DPY19L3: variants seen among roughly 807,000 people sequenced by gnomAD.
DPY19L3 encodes dpy-19 like C-mannosyltransferase 3, also known as protein C-mannosyl-transferase DPY19L3.
Under a neutral mutation model 92.3 loss-of-function variants are expected in DPY19L3, and 51 were observed. The observed-to-expected ratio is 0.55, with a 90% confidence interval of 0.44 to 0.70. DPY19L3 has a LOEUF of 0.70. Ranked by LOEUF, DPY19L3 falls within the 30% of genes least tolerant of loss-of-function variation. The probability of loss-of-function intolerance (pLI) is 0.00; values close to 1 mark genes in which losing one functional copy is unlikely to be tolerated. For synonymous variants in DPY19L3, 309 were observed against 315.2 expected, an observed-to-expected ratio of 0.98 and a Z score of 0.21; for missense variants, 706 against 855.9, an observed-to-expected ratio of 0.82 and a Z score of 2.18.
At chr19:32,442,636 G>T (rs962676731) in intron 8 of DPY19L3, among the ~76,000 whole-genome samples, 1 of 152,156 alleles carries the variant, frequency 6.6e-6, no homozygotes, top group African/African-American at 2.4e-5. Flanking sequence ...CCTTGACTGG[G>T]TGCTGGAGAA....
rs371435986 is a variant in DPY19L3, at chr19:32,458,338, A to G, written c.1164-13A>G. 4 of 1,608,474 alleles carry G rather than the reference A, an allele frequency of 2.5e-6. No homozygotes were observed. The highest frequency in any genetic ancestry group is 2.5e-6 in the Non-Finnish European group (3 of 1,178,592). On this transcript the variant is annotated splice_polypyrimidine_tract_variant and intron_variant, in intron 11 of 18. Transcript: ENST00000392250. ...TATTGAATTTAATACTTTGCTTTCCATTTGTTCCCTAGGGATTTTGATGCA... is the reference window on the plus strand; with the variant it reads ...TATTGAATTTAATACTTTGCTTTCCGTTTGTTCCCTAGGGATTTTGATGCA...
intron 8 of DPY19L3, 82 bp from the exon 9 acceptor site, chr19:32,453,063 T>G: frequency 7.0e-7 from 1 of 1,435,892 alleles, no homozygotes; most frequent in Non-Finnish European, 9.7e-7. Flanking sequence ...AGCTGAGGTG[T>G]ATCCACCTCA....
chr19:32,425,027 T>C (rs1968709794), intron 3 of DPY19L3, among the ~76,000 whole-genome samples: 1 of 152,138 alleles, frequency 6.6e-6, no homozygotes, highest in Admixed American at 6.6e-5. Flanking sequence ...GATATTCACA[T>C]GCAAAAGAAT....
rs1264135538 is a variant in DPY19L3, at chr19:32,485,689, C to G, written c.*3449C>G. 1 of 152,166 alleles carries G rather than the reference C, an allele frequency of 6.6e-6. No homozygotes were observed. The highest frequency in any genetic ancestry group is 1.9e-4 in the East Asian group (1 of 5,200). 9.4% of individuals were successfully genotyped at this position (152,166 alleles called of 1,614,324 possible). A position where few individuals can be genotyped will look rare whatever the true frequency, so the allele number is the denominator to read the frequency against. ...ATCTTGGTTAATATGCTCCCAGATA[C>G]TTTAAACATGGCAACCTTTTGGCCT... On this transcript the variant is annotated 3_prime_UTR_variant, in exon 19 of 19. Transcript: ENST00000392250.
intron 16 of DPY19L3, among the ~76,000 whole-genome samples, chr19:32,475,938 T>G (rs934610061): frequency 2.0e-5 from 3 of 152,224 alleles, no homozygotes; most frequent in African/African-American, 7.2e-5. Flanking sequence ...GGATGCATAT[T>G]ATGTGTCATT....
At chr19:32,408,468 G>A in intron 2 of DPY19L3, 112 bp downstream of exon 2, 2 of 678,700 alleles carry the variant, frequency 2.9e-6, no homozygotes, top group South Asian at 1.9e-5. Context: ...GAAACTTGTT[G>A]TAGTACCCTG....
intron 8 of DPY19L3, among the ~76,000 whole-genome samples, chr19:32,440,163 G>C (rs1057242238): frequency 6.6e-6 from 1 of 152,172 alleles, no homozygotes; most frequent in Admixed American, 6.5e-5. Flanking sequence ...TAGGTCAATT[G>C]TTATTTATAG....
chr19:32,410,989 A>T (rs1356494779), intron 2 of DPY19L3, among the ~76,000 whole-genome samples: 1 of 152,308 alleles, frequency 6.6e-6, no homozygotes, highest in Non-Finnish European at 1.5e-5. Flanking sequence ...TGAATAAGAT[A>T]ATGTATTTGT....
At chr19:32,442,726 A>C (rs1969363122) in intron 8 of DPY19L3, among the ~76,000 whole-genome samples, 1 of 152,200 alleles carries the variant, frequency 6.6e-6, no homozygotes, top group African/African-American at 2.4e-5. Flanking sequence ...GAGGAAGCCT[A>C]ACAAGACAGA....
At chr19:32,432,121 TAATTTA>T (rs1237429181) in intron 3 of DPY19L3, among the ~76,000 whole-genome samples, 1 of 152,232 alleles carries the variant, frequency 6.6e-6, no homozygotes, top group Non-Finnish European at 1.5e-5. Context: ...TTTATAGTAA[TAATTTA>T]AATTTAATAA....
chr19:32,443,043 A>G (rs1969372445), intron 8 of DPY19L3, among the ~76,000 whole-genome samples: 1 of 152,142 alleles, frequency 6.6e-6, no homozygotes, highest in Admixed American at 6.5e-5. Flanking sequence ...GAAGGTCAAC[A>G]GGGAGGTTGA....
intron 3 of DPY19L3, among the ~76,000 whole-genome samples, chr19:32,415,138 C>T (rs548190602): frequency 2.0e-5 from 3 of 152,310 alleles, no homozygotes; most frequent in Admixed American, 6.5e-5. Context: ...CCCCAAGGAA[C>T]TTACACTCTT....
chr19:32,417,018 C>G (rs927655578), intron 3 of DPY19L3, among the ~76,000 whole-genome samples: 1 of 152,242 alleles, frequency 6.6e-6, no homozygotes, highest in Non-Finnish European at 1.5e-5. Flanking sequence ...CTAGCCCAGG[C>G]TTTCAGATGA....
chr19:32,463,407 G>T lies in DPY19L3; in HGVS notation c.1364G>T (p.Gly455Val). The T allele has an allele frequency of 4.3e-6, 7 of 1,613,840 alleles. No individual in the cohort carries two copies. Among genetic ancestry groups the T allele is most frequent in the Non-Finnish European group, 5.1e-6 (6 of 1,179,812 alleles). ...NQQSVGKMEK[G>V]TVDLKPETAY... ...CAATCCGTGGGTAAAATGGAAAAAG[G>T]CACAGTTGACCTGAAACCAGAAACT... Residue 455 changes from glycine (G) to valine (V), a missense_variant, in exon 13 of 19, where the codon GGC becomes GTC. Physicochemically the swap from Gly to Val is moderately radical, Grantham distance 109. Transcript: ENST00000392250.
chr19:32,480,424 C>T lies in DPY19L3; in HGVS notation c.1856C>T (p.Ala619Val). Residue 619 changes from alanine to valine, a missense_variant, in exon 18 of 19, where the codon GCA becomes GTA. Physicochemically the swap from Ala to Val is moderately conservative, Grantham distance 64 (BLOSUM62 0). Coordinates refer to ENST00000392250, the MANE Select transcript of DPY19L3 (RefSeq NM_001172774.2). ...RAVYQIYAKR[A>V]PEEVHALLRS... Reference sequence around the variant, plus strand: ...GTTTATCAGATATATGCCAAGAGGGCACCAGAGGAAGTGCATGCCCTCCTA... The same window carrying T: ...GTTTATCAGATATATGCCAAGAGGGTACCAGAGGAAGTGCATGCCCTCCTA... The T allele has an allele frequency of 6.2e-7, 1 of 1,612,536 alleles. No homozygotes were observed. Among genetic ancestry groups the T allele is most frequent in the Non-Finnish European group, 8.5e-7 (1 of 1,179,504 alleles).
chr19:32,441,872 T>C (rs553155464), intron 8 of DPY19L3, among the ~76,000 whole-genome samples: 38 of 152,102 alleles, frequency 2.5e-4, no homozygotes, highest in Non-Finnish European at 3.8e-4. Context: ...TAAAATAATA[T>C]AGCTAATTGA....
chr19:32,425,615 G>T (rs114445573), intron 3 of DPY19L3, among the ~76,000 whole-genome samples: 2,209 of 151,748 alleles, frequency 0.015, 56 homozygotes, highest in African/African-American at 0.049. Context: ...ATGGGCTGTA[G>T]AATAGATTTT....
intron 3 of DPY19L3, among the ~76,000 whole-genome samples, chr19:32,413,561 T>C (rs1475837636): frequency 6.6e-6 from 1 of 151,890 alleles, no homozygotes; most frequent in African/African-American, 2.4e-5. Context: ...TAACTCGTCA[T>C]CTAGCATTAG....
At chr19:32,426,005 T>G (rs142757904) in intron 3 of DPY19L3, among the ~76,000 whole-genome samples, 1 of 152,358 alleles carries the variant, frequency 6.6e-6, no homozygotes, top group East Asian at 1.9e-4. Flanking sequence ...GAAGGCTGTT[T>G]CATCTACATT....
Sources: gnomAD v4.1 joint callset for allele counts (sites outside exome capture counted in the v4.1 genomes callset) on GRCh38, gnomAD v4.1.1 for gene constraint, MANE v1.5 for transcripts, NCBI Gene and HGNC (gene_info 2026-07-23, HGNC 2026-07-21) for gene names.